The following CNTN1 variants were observed in gnomAD, a reference collection of about 807,000 sequenced individuals.
CNTN1 encodes the protein contactin 1.
In CNTN1, 38 loss-of-function variants were observed where a neutral mutation model predicts 126.4. The ratio of observed to expected loss-of-function variants is 0.30; its 90% CI spans 0.23 to 0.39. The LOEUF (loss-of-function observed/expected upper bound fraction) is 0.39, where lower values mean the gene tolerates loss of function less well. Among genes scored for constraint, CNTN1 ranks in the 10% least tolerant of loss-of-function variants. The pLI is 1.00. For missense variants in CNTN1, 1,009 were observed against 1,248.4 expected (o/e 0.81, Z 2.89); for synonymous variants, 413 against 422.6 (o/e 0.98, Z 0.28).
chr12:41,021,638 T>TC, intron 20 of CNTN1, among the ~76,000 whole-genome samples: 1 of 149,732 alleles, frequency 6.7e-6, no homozygotes, highest in South Asian at 2.1e-4. Context: ...CAGGAAGCTT[T>TC]TTTTTTTTTT....
At chr12:41,050,689 G>A (rs1159733737) in intron 23 of CNTN1, among the ~76,000 whole-genome samples, 2 of 152,100 alleles carry the variant, frequency 1.3e-5, no homozygotes, top group African/African-American at 4.8e-5. Flanking sequence ...GAATAATGGT[G>A]TCTACCTTTG....
At chr12:41,068,576 T>C (rs1950097771) in intron 23 of CNTN1, among the ~76,000 whole-genome samples, 1 of 152,080 alleles carries the variant, frequency 6.6e-6, no homozygotes, top group Admixed American at 6.6e-5. Context: ...ACTATTATCT[T>C]CCACCTTATA....
Position 40,943,615 on chromosome 12 carries a change from T to C in CNTN1, c.1398T>C (p.Asp466=), listed in dbSNP as rs756213888. 5.0e-6 allele frequency: 8 copies of C among 1,584,864 alleles called. No homozygotes were observed. In the Admixed American group the frequency reaches 1.2e-4, roughly 23 times the overall value. ...TCACTAGAATACTCATTTGGGAAGA[T>C]GGTAGCTTGGAAATCAACAACATTA... is the stretch of plus-strand genomic sequence containing the variant. The part of the protein sequence containing the change: ...VNSSRILIWE[D]GSLEINNITR... Residue 466 remains aspartate (D), a synonymous_variant, in exon 13 of 24, where the codon GAT becomes GAC. Transcript: ENST00000551295.
chr12:41,003,983 A>G (rs1327983310), intron 17 of CNTN1, among the ~76,000 whole-genome samples: 1 of 152,056 alleles, frequency 6.6e-6, no homozygotes, highest in East Asian at 1.9e-4. Flanking sequence ...GTCTTCTGCT[A>G]GCTTTAGGAT....
chr12:41,040,015 G>T (rs1303388483), intron 23 of CNTN1, among the ~76,000 whole-genome samples: 1 of 152,042 alleles, frequency 6.6e-6, no homozygotes, highest in Non-Finnish European at 1.5e-5. Context: ...TTCTCCACTT[G>T]AGAGGCCTCA....
intron 1 of CNTN1, among the ~76,000 whole-genome samples, chr12:40,736,763 C>A (rs1815608218): frequency 6.6e-6 from 1 of 151,954 alleles, no homozygotes; most frequent in South Asian, 2.1e-4. Flanking sequence ...AAAGTAATGT[C>A]TTAGAGAACA....
At chr12:40,977,863 C>T (rs1458632211) in intron 15 of CNTN1, among the ~76,000 whole-genome samples, 1 of 151,842 alleles carries the variant, frequency 6.6e-6, no homozygotes, top group African/African-American at 2.4e-5. Context: ...AGTGCAGTGG[C>T]GCAATCTTGG....
chr12:40,838,136 C>T (rs183941010), intron 1 of CNTN1, among the ~76,000 whole-genome samples: 2 of 152,298 alleles, frequency 1.3e-5, no homozygotes, highest in East Asian at 1.9e-4. Flanking sequence ...AGACAGAGCA[C>T]GTAGCCTGTG....
At chr12:40,962,269 A>C (rs12812376) in intron 15 of CNTN1, among the ~76,000 whole-genome samples, 1 of 151,998 alleles carries the variant, frequency 6.6e-6, no homozygotes, top group Non-Finnish European at 1.5e-5. Context: ...GTGTGTGTGC[A>C]TGTGTGCACG....
intron 3 of CNTN1, among the ~76,000 whole-genome samples, chr12:40,910,762 G>A (rs544999860): frequency 6.6e-6 from 1 of 152,216 alleles, no homozygotes; most frequent in East Asian, 1.9e-4. Flanking sequence ...ATTGTTGTGA[G>A]GACTAAAAAA....
At chr12:40,857,666 A>C (rs1942961113) in intron 1 of CNTN1, among the ~76,000 whole-genome samples, 1 of 152,148 alleles carries the variant, frequency 6.6e-6, no homozygotes, top group African/African-American at 2.4e-5. Context: ...TAAATTGATG[A>C]ATTAAATTTT....
intron 17 of CNTN1, among the ~76,000 whole-genome samples, chr12:41,009,135 C>T (rs759863271): frequency 5.9e-5 from 9 of 152,194 alleles, no homozygotes; most frequent in Non-Finnish European, 1.0e-4. Context: ...CTTCCCTGGC[C>T]GCATAGGTCT....
At chr12:40,876,471 T>A (rs990660713) in intron 1 of CNTN1, among the ~76,000 whole-genome samples, 1 of 152,060 alleles carries the variant, frequency 6.6e-6, no homozygotes, top group Non-Finnish European at 1.5e-5. Flanking sequence ...TTGGATGATA[T>A]CCACATCCTA....
chr12:40,848,782 A>G (rs978552436), intron 1 of CNTN1, among the ~76,000 whole-genome samples: 6 of 146,108 alleles, frequency 4.1e-5, no homozygotes, highest in Non-Finnish European at 1.5e-5. Context: ...GTTATACATG[A>G]TGGTTTTATA....
At chr12:40,736,536 G>T (rs1305484682) in intron 1 of CNTN1, among the ~76,000 whole-genome samples, 1 of 152,028 alleles carries the variant, frequency 6.6e-6, no homozygotes, top group Non-Finnish European at 1.5e-5. Context: ...GGTTAAAGAT[G>T]AAGTTCAGAG....
chr12:41,052,719 A>G (rs1352472498), intron 23 of CNTN1, among the ~76,000 whole-genome samples: 1 of 152,076 alleles, frequency 6.6e-6, no homozygotes, highest in Non-Finnish European at 1.5e-5. Flanking sequence ...TTAACTAGCA[A>G]AAAAAGTTCT....
intron 1 of CNTN1, among the ~76,000 whole-genome samples, chr12:40,741,413 C>T (rs964721568): frequency 1.3e-5 from 2 of 152,004 alleles, no homozygotes; most frequent in African/African-American, 4.8e-5. Context: ...TTTGATCCAT[C>T]CCTTTTTCTT....
intron 15 of CNTN1, among the ~76,000 whole-genome samples, chr12:40,963,196 C>T (rs1044221230): frequency 6.6e-6 from 1 of 151,960 alleles, no homozygotes; most frequent in Non-Finnish European, 1.5e-5. Context: ...CCAAGGAGTG[C>T]GTATTGCTTT....
At chr12:40,793,465 G>A (rs902578898) in intron 1 of CNTN1, among the ~76,000 whole-genome samples, 5 of 145,554 alleles carry the variant, frequency 3.4e-5, no homozygotes, top group Non-Finnish European at 3.0e-5. Context: ...TACTTGTGGG[G>A]AAAAAAAAAA....
Sources: gnomAD v4.1 joint callset for allele counts (sites outside exome capture counted in the v4.1 genomes callset) on GRCh38, gnomAD v4.1.1 for gene constraint, MANE v1.5 for transcripts, NCBI Gene and HGNC (gene_info 2026-07-23, HGNC 2026-07-21) for gene names.